Variants in LRRC4C observed in about 807,000 individuals in gnomAD.
LRRC4C encodes the protein leucine-rich repeat-containing protein 4C.
In LRRC4C, 5 loss-of-function variants were observed where a neutral mutation model predicts 33.6. The observed-to-expected ratio is 0.15, with a 90% CI of 0.08 to 0.31. The LOEUF is 0.31. Ranked by LOEUF, LRRC4C falls within the 10% of genes least tolerant of loss-of-function variation. LRRC4C has a pLI of 1.00. For synonymous variants in LRRC4C, 329 were observed against 302.0 expected, an observed-to-expected ratio of 1.09 and a Z score of -0.93; for missense variants, 560 against 796.7, an observed-to-expected ratio of 0.70 and a Z score of 3.58.
At chr11:40,907,461 T>C (rs956229426) in intron 2 of LRRC4C, among the ~76,000 whole-genome samples, 2 of 152,214 alleles carry the variant, frequency 1.3e-5, no homozygotes, top group African/African-American at 4.8e-5. Context: ...CTATTGGAGT[T>C]CATAGGTTCT....
At chr11:41,032,895 T>C (rs1013254516) in intron 1 of LRRC4C, among the ~76,000 whole-genome samples, 13 of 152,090 alleles carry the variant, frequency 8.5e-5, no homozygotes, top group Admixed American at 8.5e-4. Flanking sequence ...CATTCAGTCA[T>C]AATCAACATA....
chr11:40,503,146 C>T (rs1190291506), intron 3 of LRRC4C, among the ~76,000 whole-genome samples: 1 of 152,184 alleles, frequency 6.6e-6, no homozygotes, highest in East Asian at 1.9e-4. Context: ...AAACACACAG[C>T]TTCTGCTACC....
intron 1 of LRRC4C, among the ~76,000 whole-genome samples, chr11:41,166,986 T>G (rs1944758778): frequency 6.6e-6 from 1 of 152,220 alleles, no homozygotes; most frequent in Non-Finnish European, 1.5e-5. Flanking sequence ...TAGTGCTTAT[T>G]GGCATTAAAT....
At chr11:40,503,200 G>A (rs1954862334) in intron 3 of LRRC4C, among the ~76,000 whole-genome samples, 1 of 152,154 alleles carries the variant, frequency 6.6e-6, no homozygotes, top group Non-Finnish European at 1.5e-5. Context: ...GTGAAGGTAT[G>A]TAAAAACATT....
intron 1 of LRRC4C, among the ~76,000 whole-genome samples, chr11:41,299,497 C>G (rs191396866): frequency 6.6e-6 from 1 of 152,104 alleles, no homozygotes; most frequent in Non-Finnish European, 1.5e-5. Flanking sequence ...GTTTCTATAT[C>G]CAGTTATCAA....
intron 3 of LRRC4C, among the ~76,000 whole-genome samples, chr11:40,589,543 T>TAA (rs1958934396): frequency 1.3e-5 from 2 of 150,734 alleles, no homozygotes; most frequent in South Asian, 2.1e-4. Flanking sequence ...GTTATTTTGC[T>TAA]CGTTAGTTGA....
At chr11:40,363,200 T>A (rs1948043045) in intron 3 of LRRC4C, among the ~76,000 whole-genome samples, 1 of 152,260 alleles carries the variant, frequency 6.6e-6, no homozygotes, top group Admixed American at 6.5e-5. Flanking sequence ...ATGTGGTACA[T>A]ATACACTATG....
intron 3 of LRRC4C, among the ~76,000 whole-genome samples, chr11:40,517,910 G>T (rs1047284439): frequency 6.6e-6 from 1 of 152,084 alleles, no homozygotes; most frequent in African/African-American, 2.4e-5. Context: ...TACCAAAACA[G>T]ATATATAGAC....
chr11:40,764,635 A>G (rs1314952735), intron 2 of LRRC4C, among the ~76,000 whole-genome samples: 1 of 152,140 alleles, frequency 6.6e-6, no homozygotes, highest in Non-Finnish European at 1.5e-5. Flanking sequence ...GTAGCTAGGC[A>G]TTGGTCACTG....
chr11:40,147,733 T>C (rs1857861882), intron 5 of LRRC4C, among the ~76,000 whole-genome samples: 1 of 152,140 alleles, frequency 6.6e-6, no homozygotes, highest in Non-Finnish European at 1.5e-5. Context: ...ACTTTATTTT[T>C]TCTTTTTCTT....
At chr11:40,461,642 T>A (rs1230663675) in intron 3 of LRRC4C, among the ~76,000 whole-genome samples, 1 of 150,112 alleles carries the variant, frequency 6.7e-6, no homozygotes, top group Non-Finnish European at 1.5e-5. Flanking sequence ...CATATAATAC[T>A]TTCTCTAATT....
At chr11:40,938,289 G>A (rs1482386682) in intron 1 of LRRC4C, among the ~76,000 whole-genome samples, 4 of 152,066 alleles carry the variant, frequency 2.6e-5, no homozygotes, top group South Asian at 4.1e-4. Context: ...TGAGTGCACC[G>A]CAATGATTCT....
At chr11:40,453,925 A>C (rs1033619139) in intron 3 of LRRC4C, among the ~76,000 whole-genome samples, 1 of 152,188 alleles carries the variant, frequency 6.6e-6, no homozygotes. Flanking sequence ...ACACATTTTA[A>C]ATGAGTAAAT....
chr11:40,304,241 A>G (rs1055414910), intron 4 of LRRC4C, among the ~76,000 whole-genome samples: 2 of 152,182 alleles, frequency 1.3e-5, no homozygotes, highest in Non-Finnish European at 2.9e-5. Flanking sequence ...CAAGTAATGC[A>G]ATTAAATTAA....
At chr11:40,889,260 A>G (rs535765330) in intron 2 of LRRC4C, among the ~76,000 whole-genome samples, 1 of 152,240 alleles carries the variant, frequency 6.6e-6, no homozygotes, top group South Asian at 2.1e-4. Flanking sequence ...TTTCCTGTCA[A>G]GGAAAGATGC....
chr11:41,110,207 C>A (rs1941750469), intron 1 of LRRC4C, among the ~76,000 whole-genome samples: 1 of 151,972 alleles, frequency 6.6e-6, no homozygotes, highest in Non-Finnish European at 1.5e-5. Context: ...ATTCTTTAAT[C>A]TCTATGATCC....
At chr11:40,276,194 G>T (rs984848795) in intron 4 of LRRC4C, among the ~76,000 whole-genome samples, 3 of 152,118 alleles carry the variant, frequency 2.0e-5, no homozygotes, top group African/African-American at 7.2e-5. Context: ...GGGCTGGAAA[G>T]AGAAGGGCAA....
intron 1 of LRRC4C, among the ~76,000 whole-genome samples, chr11:40,987,683 T>TATCTCATATATATGAG (rs1853163473): frequency 7.3e-6 from 1 of 137,320 alleles, no homozygotes; most frequent in Non-Finnish European, 1.6e-5. Flanking sequence ...ATGATATATA[T>TATCTCATATATATGAG]ATATATATCT....
At chr11:40,807,921 G>T (rs765069237) in intron 2 of LRRC4C, among the ~76,000 whole-genome samples, 1 of 152,088 alleles carries the variant, frequency 6.6e-6, no homozygotes, top group Non-Finnish European at 1.5e-5. Flanking sequence ...TTCCATGCCT[G>T]GGAATAATAT....
Sources: allele counts gnomAD v4.1 joint callset (sites outside exome capture counted in the v4.1 genomes callset), GRCh38; gene constraint gnomAD v4.1.1; transcripts MANE v1.5; gene names NCBI Gene and HGNC (gene_info 2026-07-23, HGNC 2026-07-21).